Variants in RGS6 observed in about 807,000 individuals in gnomAD.
The protein encoded by RGS6 is regulator of G-protein signaling 6.
A neutral mutation model predicts 78.5 loss-of-function variants in RGS6; 30 were observed. The observed-to-expected ratio is 0.38, with a 90% CI of 0.29 to 0.52. The LOEUF is 0.52. Ranked by LOEUF, RGS6 falls within the 20% of genes least tolerant of loss-of-function variation. The pLI is 0.85. For synonymous variants in RGS6, 206 were observed against 206.0 expected (o/e 1.00, Z 0.00); for missense variants, 495 against 609.7 (o/e 0.81, Z 1.98).
rs1429103585 is a variant in RGS6 at position 72,355,215 on chromosome 14, C to A, written c.184+3021C>A. Among the ~76,000 whole-genome samples the A allele has an allele frequency of 2.1e-5, 3 of 145,376 alleles. No homozygotes were observed. In the East Asian group the frequency reaches 6.0e-4, roughly 29 times the overall value. On this transcript the variant is annotated intron_variant, in intron 3 of 17. Coordinates refer to ENST00000553525, the MANE Select transcript of RGS6 (RefSeq NM_001204424.2). ...CTCTGGTTCTTTTTTTTTTTTTAGA[C>A]AGAGTCTTGCTCTTGTCACCCAGGC...
chr14:72,526,524 T>C (rs2097123349), intron 15 of RGS6, among the ~76,000 whole-genome samples: 1 of 146,378 alleles, frequency 6.8e-6, no homozygotes. Context: ...GAAAATACTG[T>C]GCCCTTTGGC....
chr14:72,228,078 A>G (rs1034405933), intron 2 of RGS6, among the ~76,000 whole-genome samples: 38 of 152,174 alleles, frequency 2.5e-4, no homozygotes, highest in African/African-American at 9.2e-4. Context: ...GGAAGAATGA[A>G]TATGAAAATA....
intron 2 of RGS6, among the ~76,000 whole-genome samples, chr14:72,103,439 A>C (rs547192001): frequency 6.6e-6 from 1 of 152,296 alleles, no homozygotes; most frequent in Admixed American, 6.5e-5. Flanking sequence ...CTTCTTGAAA[A>C]CACAGGAGGA....
chr14:71,955,553 A>G (rs1018799251), intron 1 of RGS6, among the ~76,000 whole-genome samples: 2 of 152,060 alleles, frequency 1.3e-5, no homozygotes, highest in Non-Finnish European at 2.9e-5. Context: ...CAAGGGGTGG[A>G]TTATTCTTGA....
At chr14:71,937,922 T>G (rs2089786212) in intron 1 of RGS6, among the ~76,000 whole-genome samples, 1 of 152,246 alleles carries the variant, frequency 6.6e-6, no homozygotes, top group African/African-American at 2.4e-5. Context: ...TGGTCTCTGC[T>G]GCTGGCAATT....
chr14:72,406,212 C>T (rs545323303), intron 3 of RGS6, among the ~76,000 whole-genome samples: 160 of 152,138 alleles, frequency 1.1e-3, no homozygotes, highest in African/African-American at 3.7e-3. Flanking sequence ...TAGTGAAACC[C>T]ATCTCTACTA....
chr14:72,405,164 C>T (rs1382644030), intron 3 of RGS6, among the ~76,000 whole-genome samples: 3 of 152,152 alleles, frequency 2.0e-5, no homozygotes, highest in Admixed American at 2.0e-4. Context: ...AAAGGGGGAG[C>T]TGGGTGGCAC....
At chr14:72,044,965 G>T (rs569455794) in intron 2 of RGS6, among the ~76,000 whole-genome samples, 1 of 152,240 alleles carries the variant, frequency 6.6e-6, no homozygotes, top group South Asian at 2.1e-4. Context: ...CAGTCCCGCA[G>T]TTTCTTAGGC....
intron 1 of RGS6, among the ~76,000 whole-genome samples, chr14:71,954,419 T>C (rs2092629518): frequency 6.6e-6 from 1 of 151,770 alleles, no homozygotes; most frequent in African/African-American, 2.4e-5. Context: ...TTCAAGCTCA[T>C]GGAGTCTTAA....
chr14:72,383,213 T>TATATATATATATATATATATATATATAC (rs1387301746), intron 3 of RGS6, among the ~76,000 whole-genome samples: 1 of 118,340 alleles, frequency 8.5e-6, no homozygotes, highest in Non-Finnish European at 1.7e-5. Flanking sequence ...TATATATATA[T>TATATATATATATATATATATATATATAC]ACACACAAAC....
chr14:72,292,385 G>T (rs1308343437), intron 2 of RGS6, among the ~76,000 whole-genome samples: 2 of 152,204 alleles, frequency 1.3e-5, no homozygotes, highest in South Asian at 2.1e-4. Flanking sequence ...GGACAGAGGA[G>T]ACTCTGGCTG....
chr14:72,547,357 A>G, intron 17 of RGS6: 6 of 1,534,976 alleles, frequency 3.9e-6, no homozygotes, highest in Non-Finnish European at 5.2e-6. Flanking sequence ...GAGGACTTCA[A>G]AGGCTAAGAA....
intron 2 of RGS6, among the ~76,000 whole-genome samples, chr14:72,286,300 T>C (rs2062539543): frequency 1.3e-5 from 2 of 152,218 alleles, no homozygotes; most frequent in South Asian, 2.1e-4. Flanking sequence ...GGCACGCTTG[T>C]TGAAGATCAG....
chr14:72,308,950 A>G (rs1228918116), intron 2 of RGS6, among the ~76,000 whole-genome samples: 1 of 152,212 alleles, frequency 6.6e-6, no homozygotes, highest in Non-Finnish European at 1.5e-5. Context: ...TTCTCTAAAA[A>G]GCCTCTCTCA....
intron 3 of RGS6, among the ~76,000 whole-genome samples, chr14:72,440,561 T>C (rs940083660): frequency 3.9e-5 from 6 of 151,918 alleles, no homozygotes; most frequent in Non-Finnish European, 7.4e-5. Flanking sequence ...TACAGGTACA[T>C]GCCACCATGC....
the RGS6 span, among the ~76,000 whole-genome samples, chr14:72,583,605 G>C: frequency 2.6e-5 from 4 of 152,212 alleles, no homozygotes; most frequent in African/African-American, 4.8e-5. Flanking sequence ...GAAGAGAAGG[G>C]AGACTGATTA....
intron 2 of RGS6, among the ~76,000 whole-genome samples, chr14:72,042,129 C>CTTTTTTTTTTT (rs202194668): frequency 1.5e-5 from 2 of 134,540 alleles, no homozygotes; most frequent in Non-Finnish European, 3.1e-5. Context: ...TTTTCTTTTT[C>CTTTTTTTTTTT]TTTTTTTTTT....
chr14:72,352,582 C>T (rs1275961436), intron 3 of RGS6, among the ~76,000 whole-genome samples: 1 of 152,200 alleles, frequency 6.6e-6, no homozygotes, highest in African/African-American at 2.4e-5. Flanking sequence ...AGTTTTTTAA[C>T]TCAGTGTACT....
At chr14:72,407,958 T>C (rs2093072695) in intron 3 of RGS6, among the ~76,000 whole-genome samples, 1 of 152,242 alleles carries the variant, frequency 6.6e-6, no homozygotes, top group African/African-American at 2.4e-5. Flanking sequence ...CCTCCAGGCT[T>C]ACTTTGCTTT....
Sources: allele counts gnomAD v4.1 joint callset (sites outside exome capture counted in the v4.1 genomes callset), GRCh38; gene constraint gnomAD v4.1.1; transcripts MANE v1.5; gene names NCBI Gene and HGNC (gene_info 2026-07-23, HGNC 2026-07-21).